WWC1: variants seen among roughly 807,000 people sequenced by gnomAD.
WWC1 encodes the protein WW and C2 domain containing 1.
Under a neutral mutation model 138.4 loss-of-function variants are expected in WWC1, and 55 were observed. That is an observed-to-expected ratio of 0.40 (90% confidence interval 0.32 to 0.50). The LOEUF (loss-of-function observed/expected upper bound fraction) is 0.50. WWC1 is among the 20% of genes least tolerant of loss of function. WWC1 has a pLI of 0.72. For synonymous variants in WWC1, 524 were observed against 564.9 expected (o/e 0.93, Z 1.03); for missense variants, 1,226 against 1,420.4 (o/e 0.86, Z 2.20).
chr5:168,374,086 A>G (rs1418071714), intron 2 of WWC1, among the ~76,000 whole-genome samples: 2 of 151,704 alleles, frequency 1.3e-5, no homozygotes, highest in Admixed American at 1.3e-4. Context: ...ATAGCACAAT[A>G]TAATCAAACA....
intron 2 of WWC1, among the ~76,000 whole-genome samples, chr5:168,375,624 G>A (rs1266829038): frequency 1.3e-5 from 2 of 151,882 alleles, no homozygotes; most frequent in Non-Finnish European, 1.5e-5. Context: ...CGCCCAGGCT[G>A]GAGTACAGTG....
At chr5:168,409,722 C>T (rs749371962) in intron 7 of WWC1, among the ~76,000 whole-genome samples, 200 bp from the exon 8 acceptor site, 5 of 152,202 alleles carry the variant, frequency 3.3e-5, no homozygotes, top group African/African-American at 7.2e-5. Context: ...TCTGAGCGTA[C>T]GGTTCTTCCC....
intron 13 of WWC1, 32 bp from the exon 14 acceptor site, chr5:168,430,105 A>C: frequency 1.3e-6 from 2 of 1,522,800 alleles, no homozygotes; most frequent in Middle Eastern, 1.7e-4. Context: ...TGTGTTACTA[A>C]TAGGTACTTC....
intron 9 of WWC1, among the ~76,000 whole-genome samples, chr5:168,418,634 A>T (rs1780845383): frequency 6.6e-6 from 1 of 152,118 alleles, no homozygotes; most frequent in African/African-American, 2.4e-5. Context: ...ACGTCATGGC[A>T]GCCCAACTCC....
At chr5:168,410,134 T>C in intron 8 of WWC1, 139 bp downstream of exon 8, 4 of 866,360 alleles carry the variant, frequency 4.6e-6, no homozygotes, top group Non-Finnish European at 7.1e-6. Context: ...TATTATACTT[T>C]TTATATTTTC....
intron 17 of WWC1, among the ~76,000 whole-genome samples, chr5:168,453,341 A>G (rs563229637): frequency 6.6e-6 from 1 of 152,206 alleles, no homozygotes; most frequent in Non-Finnish European, 1.5e-5. Context: ...GTCTGATTCC[A>G]TTTGCATGAA....
intron 1 of WWC1, among the ~76,000 whole-genome samples, chr5:168,358,313 G>T (rs1011912596): frequency 3.3e-5 from 5 of 152,240 alleles, no homozygotes; most frequent in Admixed American, 2.6e-4. Context: ...TTCAGAGAAT[G>T]AATGAGGATG....
intron 17 of WWC1, among the ~76,000 whole-genome samples, chr5:168,445,425 C>T (rs1452748314): frequency 1.3e-5 from 2 of 151,918 alleles, no homozygotes; most frequent in East Asian, 2.0e-4. Flanking sequence ...AGAGGCCAGG[C>T]GTGGTGGCTC....
intron 1 of WWC1, among the ~76,000 whole-genome samples, chr5:168,346,131 C>T (rs527476565): frequency 7.3e-6 from 1 of 136,410 alleles, no homozygotes; most frequent in Non-Finnish European, 1.6e-5. Context: ...TCTCCCTCCA[C>T]CTGAAGCCCA....
chr5:168,462,156 C>T (rs1051340353), intron 20 of WWC1, among the ~76,000 whole-genome samples: 1 of 152,270 alleles, frequency 6.6e-6, no homozygotes, highest in African/African-American at 2.4e-5. Flanking sequence ...AGGCCCCCCA[C>T]CTTTCCTGCA....
chr5:168,366,802 C>G (rs905416700), intron 1 of WWC1, among the ~76,000 whole-genome samples: 1 of 100,570 alleles, frequency 9.9e-6, no homozygotes, highest in African/African-American at 4.3e-5. Flanking sequence ...CTTTGAAACA[C>G]TTTTTTTTTT....
chr5:168,348,672 G>A (rs936179363), intron 1 of WWC1, among the ~76,000 whole-genome samples: 3 of 152,216 alleles, frequency 2.0e-5, no homozygotes. Flanking sequence ...TCAAGGAGTA[G>A]TTGTCCAGGC....
intron 10 of WWC1, among the ~76,000 whole-genome samples, chr5:168,422,697 C>T (rs1227937143): frequency 6.6e-6 from 1 of 152,274 alleles, no homozygotes; most frequent in South Asian, 2.1e-4. Context: ...ACCTGGGCCT[C>T]CATGAACAAC....
chr5:168,327,247 T>C (rs1416641431), intron 1 of WWC1, among the ~76,000 whole-genome samples: 3 of 152,208 alleles, frequency 2.0e-5, no homozygotes, highest in African/African-American at 7.2e-5. Context: ...GTCTTCCCAG[T>C]CTTCTCCCCC....
At chr5:168,346,718 T>A (rs905476218) in intron 1 of WWC1, among the ~76,000 whole-genome samples, 1 of 152,180 alleles carries the variant, frequency 6.6e-6, no homozygotes, top group Non-Finnish European at 1.5e-5. Flanking sequence ...GGCCCATGCT[T>A]GGTATGCTGT....
At chr5:168,305,905 C>A (rs1307908923) in intron 1 of WWC1, among the ~76,000 whole-genome samples, 1 of 152,154 alleles carries the variant, frequency 6.6e-6, no homozygotes, top group East Asian at 1.9e-4. Flanking sequence ...ATTGGAGAAG[C>A]ATAGCTGTAG....
intron 7 of WWC1, among the ~76,000 whole-genome samples, chr5:168,409,181 C>A (rs1439173038): frequency 6.6e-6 from 1 of 152,154 alleles, no homozygotes; most frequent in African/African-American, 2.4e-5. Context: ...AGGGCTGAAC[C>A]ATGGTGCCTC....
rs1441964407 is a variant in WWC1, at chr5:168,370,382, AAGCCCT to A, written c.120-1041_120-1036del. Reference sequence around the variant, plus strand: ...TCTAGCAAGTCTCTTCCTTGGAAGGAAGCCCTTGATGAGAAATCCTAGACCCCAGCC... The same window carrying A: ...TCTAGCAAGTCTCTTCCTTGGAAGGATGATGAGAAATCCTAGACCCCAGCC... On this transcript the variant is annotated intron_variant, in intron 1 of 22. Transcript: ENST00000265293. 1.1e-4 allele frequency among the ~76,000 whole-genome samples: 16 copies of A among 152,140 alleles called. 1 individual carries two copies. Among genetic ancestry groups the A allele is most frequent in the Admixed American group, 1.0e-3 (16 of 15,280 alleles).
intron 19 of WWC1, 92 bp from the exon 20 acceptor site, chr5:168,460,558 G>T: frequency 1.7e-6 from 2 of 1,198,140 alleles, no homozygotes; most frequent in East Asian, 2.4e-5. Context: ...GGACTGTGCC[G>T]AGTGGAGGAA....
Sources: gnomAD v4.1 joint callset for allele counts (sites outside exome capture counted in the v4.1 genomes callset) on GRCh38, gnomAD v4.1.1 for gene constraint, MANE v1.5 for transcripts, NCBI Gene and HGNC (gene_info 2026-07-23, HGNC 2026-07-21) for gene names.